The following CSRNP3 variants were observed in gnomAD, a reference collection of about 807,000 sequenced individuals.
CSRNP3 encodes the protein cysteine/serine-rich nuclear protein 3.
A neutral mutation model predicts 48.0 loss-of-function variants in CSRNP3; 12 were observed. That is an observed-to-expected ratio of 0.25 (90% CI 0.16 to 0.41). The LOEUF is 0.41. CSRNP3 is among the 10% of genes least tolerant of loss of function. The probability of loss-of-function intolerance (pLI) is 1.00; values close to 1 mark genes in which losing one functional copy is unlikely to be tolerated. For missense variants in CSRNP3, 580 were observed against 724.4 expected (o/e 0.80, Z 2.29); for synonymous variants, 263 against 269.7 (o/e 0.98, Z 0.24).
chr2:165,554,070 A>C (rs1359698647), intron 3 of CSRNP3, among the ~76,000 whole-genome samples: 1 of 152,166 alleles, frequency 6.6e-6, no homozygotes, highest in Non-Finnish European at 1.5e-5. Flanking sequence ...GTAAATTTTC[A>C]GCCATCCATT....
rs1573965211 is a variant in CSRNP3 at position 165,678,896 on chromosome 2, T to C, written c.901T>C (p.Ser301Pro). The stretch of plus-strand genomic sequence containing the variant: ...CAGTGAGATAAGTGCTCACAGTAGT[T>C]CTATGGGCCCTGTCGCTCACTCCGT... ...CHSEISAHSS[S>P]MGPVAHSVEY... Residue 301 changes from serine to proline, a missense_variant, in exon 7 of 7, where the codon TCT becomes CCT. Physicochemically the swap from Ser to Pro is moderately conservative, Grantham distance 74 (BLOSUM62 -1). This residue lies in a region of CSRNP3 where 369 missense variants were observed against 380.8 expected (regional missense o/e 0.97). Coordinates refer to ENST00000651982, the MANE Select transcript of CSRNP3 (RefSeq NM_001172173.2). 2.5e-6 allele frequency: 4 copies of C among 1,613,902 alleles called. No homozygotes were observed. The highest frequency in any genetic ancestry group is 3.4e-6 in the Non-Finnish European group (4 of 1,179,988).
chr2:165,507,709 C>T (rs1272972599), intron 2 of CSRNP3, among the ~76,000 whole-genome samples: 1 of 152,148 alleles, frequency 6.6e-6, no homozygotes, highest in Non-Finnish European at 1.5e-5. Flanking sequence ...ACCCTTCTGT[C>T]TGCCACAACA....
chr2:165,572,852 A>G (rs13028677), intron 3 of CSRNP3, among the ~76,000 whole-genome samples: 41,977 of 152,156 alleles, frequency 0.28, 6,692 homozygotes, highest in Admixed American at 0.41. Flanking sequence ...TCATCCAATA[A>G]TTTTTAATCT....
intron 4 of CSRNP3, among the ~76,000 whole-genome samples, chr2:165,654,099 T>C (rs1686964153): frequency 6.6e-6 from 1 of 151,738 alleles, no homozygotes; most frequent in Admixed American, 6.6e-5. Context: ...TAATAATGCC[T>C]TTAGGGCATC....
At chr2:165,523,332 A>G (rs1684688495) in intron 3 of CSRNP3, among the ~76,000 whole-genome samples, 1 of 151,786 alleles carries the variant, frequency 6.6e-6, no homozygotes, top group Admixed American at 6.6e-5. Flanking sequence ...TGTTCTTCAC[A>G]CTCCTATCCA....
chr2:165,549,412 G>C (rs747177343), intron 3 of CSRNP3, among the ~76,000 whole-genome samples: 1 of 151,908 alleles, frequency 6.6e-6, no homozygotes, highest in Admixed American at 6.6e-5. Context: ...CAAGTTAATC[G>C]CAACTGGTTA....
intron 1 of CSRNP3, among the ~76,000 whole-genome samples, chr2:165,488,151 C>A (rs1252658675): frequency 2.4e-5 from 2 of 83,674 alleles, no homozygotes; most frequent in Non-Finnish European, 4.6e-5. Context: ...CAATCCTAGT[C>A]TCTGATAAAA....
chr2:165,608,208 T>C (rs1686064137), intron 4 of CSRNP3, among the ~76,000 whole-genome samples: 1 of 151,906 alleles, frequency 6.6e-6, no homozygotes, highest in South Asian at 2.1e-4. Context: ...GATAATGCAC[T>C]CAAAGTATCG....
chr2:165,514,377 C>T (rs1161694151), intron 2 of CSRNP3, among the ~76,000 whole-genome samples: 1 of 152,210 alleles, frequency 6.6e-6, no homozygotes, highest in African/African-American at 2.4e-5. Flanking sequence ...TGTGATGTGC[C>T]CAGGGGGGCC....
intron 5 of CSRNP3, among the ~76,000 whole-genome samples, chr2:165,662,186 T>TAAAGATGTTATTTTGAAAACAAAAC (rs1687109288): frequency 6.6e-6 from 1 of 152,040 alleles, no homozygotes; most frequent in Non-Finnish European, 1.5e-5. Context: ...GAAAACAAAA[T>TAAAGATGTTATTTTGAAAACAAAAC]AAAAGTAGGA....
In CSRNP3 at chr2:165,658,115, G is replaced by A. The variant is rs1001988321; in HGVS notation, c.408+95G>A. ...ATATTTATAATCACGAAACAAACTGGGCACTTTACATAACAGACTGCTTGC... is the reference window on the plus strand; with the variant it reads ...ATATTTATAATCACGAAACAAACTGAGCACTTTACATAACAGACTGCTTGC... On this transcript the variant is annotated intron_variant, in intron 5 of 6. Coordinates refer to ENST00000651982, the MANE Select transcript of CSRNP3 (RefSeq NM_001172173.2). 12 of 1,370,864 alleles carry A rather than the reference G, an allele frequency of 8.8e-6. No individual in the cohort carries two copies. In the African/African-American group the frequency reaches 1.6e-4, roughly 18 times the overall value. The allele number at this position is 1,370,864 out of a possible 1,614,324, so 84.9% of individuals were successfully genotyped here. A position where few individuals can be genotyped will look rare whatever the true frequency, so the allele number is the denominator to read the frequency against.
chr2:165,661,441 G>T (rs1302387124), intron 5 of CSRNP3, among the ~76,000 whole-genome samples: 1 of 152,138 alleles, frequency 6.6e-6, no homozygotes, highest in Non-Finnish European at 1.5e-5. Context: ...GGTAGCAGTT[G>T]TTCATCCTCA....
intron 3 of CSRNP3, among the ~76,000 whole-genome samples, chr2:165,520,810 T>C (rs1450043088): frequency 7.0e-5 from 5 of 71,032 alleles, no homozygotes; most frequent in African/African-American, 2.4e-4. Flanking sequence ...TATATATATA[T>C]ATATATATAT....
intron 3 of CSRNP3, among the ~76,000 whole-genome samples, chr2:165,590,759 T>G (rs1685703335): frequency 6.6e-6 from 1 of 152,214 alleles, no homozygotes; most frequent in African/African-American, 2.4e-5. Flanking sequence ...TTGCTTCCCC[T>G]TCTGCCATAA....
At chr2:165,593,296 T>C (rs1012477754) in intron 3 of CSRNP3, among the ~76,000 whole-genome samples, 4 of 152,170 alleles carry the variant, frequency 2.6e-5, no homozygotes, top group African/African-American at 9.7e-5. Context: ...GAAAGAGCCA[T>C]GTTTATGAAT....
chr2:165,643,408 C>G (rs950933466), intron 4 of CSRNP3, among the ~76,000 whole-genome samples: 1 of 152,218 alleles, frequency 6.6e-6, no homozygotes. Flanking sequence ...ACCAAGCTTA[C>G]TGAGCCTTTG....
At chr2:165,474,066 T>C (rs998432859) in intron 1 of CSRNP3, among the ~76,000 whole-genome samples, 2 of 152,186 alleles carry the variant, frequency 1.3e-5, no homozygotes, top group East Asian at 3.8e-4. Flanking sequence ...AAGAGCTTAA[T>C]ACATTATTTT....
chr2:165,516,605 C>A (rs1292227766), intron 2 of CSRNP3, among the ~76,000 whole-genome samples: 1 of 151,840 alleles, frequency 6.6e-6, no homozygotes, highest in African/African-American at 2.4e-5. Flanking sequence ...TTTTAAAAAC[C>A]TAAAAATCAT....
chr2:165,674,257 A>G (rs940134906), intron 5 of CSRNP3, among the ~76,000 whole-genome samples: 25 of 152,130 alleles, frequency 1.6e-4, no homozygotes, highest in African/African-American at 5.8e-4. Context: ...AATTAATGAA[A>G]ACAAACCAAA....
Sources: gnomAD v4.1 joint callset for allele counts (sites outside exome capture counted in the v4.1 genomes callset) on GRCh38, gnomAD v4.1.1 for gene constraint, gnomAD v4.1.1 regional missense constraint, MANE v1.5 for transcripts, NCBI Gene and HGNC (gene_info 2026-07-23, HGNC 2026-07-21) for gene names.